LRP2: variants seen among roughly 807,000 people sequenced by gnomAD.
LRP2 encodes low-density lipoprotein receptor-related protein 2.
Under a neutral mutation model 531.0 loss-of-function variants are expected in LRP2, and 172 were observed. That is an observed-to-expected ratio of 0.32 (90% CI 0.29 to 0.37). The LOEUF (loss-of-function observed/expected upper bound fraction) is 0.37. LRP2 is among the 10% of genes least tolerant of loss of function. LRP2 has a pLI of 1.00. For synonymous variants in LRP2, 1,992 were observed against 2,027.6 expected (o/e 0.98, Z 0.47); for missense variants, 5,167 against 5,868.3 (o/e 0.88, Z 3.90).
chr2:169,339,542 AAG>A (rs1685506704), intron 1 of LRP2, among the ~76,000 whole-genome samples: 1 of 152,190 alleles, frequency 6.6e-6, no homozygotes, highest in Admixed American at 6.5e-5. Context: ...ATTATATTTC[AAG>A]GGTGTTTAAG....
chr2:169,257,751 A>G (rs1037875412), intron 17 of LRP2, among the ~76,000 whole-genome samples: 2 of 151,532 alleles, frequency 1.3e-5, no homozygotes, highest in Non-Finnish European at 2.9e-5. Context: ...TGCAAACAGT[A>G]TCTGACCCAA....
chr2:169,157,526 A>G, intron 63 of LRP2, 24 bp from the exon 64 acceptor site: 1 of 1,611,198 alleles, frequency 6.2e-7, no homozygotes. Context: ...TCCCAGCATT[A>G]CAAACCAGAT....
chr2:169,150,378 G>A (rs964992179), intron 68 of LRP2, among the ~76,000 whole-genome samples: 7 of 151,954 alleles, frequency 4.6e-5, no homozygotes, highest in African/African-American at 1.2e-4. Flanking sequence ...AACAAAACTT[G>A]TTCTCATTTA....
intron 76 of LRP2, among the ~76,000 whole-genome samples, chr2:169,136,751 T>C (rs964556035): frequency 1.3e-5 from 2 of 151,914 alleles, no homozygotes; most frequent in Non-Finnish European, 2.9e-5. Context: ...CTGACTCTCT[T>C]TTCGGACTCA....
At chr2:169,251,101 G>T (rs1690164679) in intron 19 of LRP2, among the ~76,000 whole-genome samples, 1 of 13,718 alleles carries the variant, frequency 7.3e-5, no homozygotes, top group African/African-American at 5.7e-4. Context: ...AGTCAACAAG[G>T]ATACCCAGGA....
chr2:169,330,435 C>T (rs964134083), intron 1 of LRP2, among the ~76,000 whole-genome samples: 1 of 152,202 alleles, frequency 6.6e-6, no homozygotes, highest in African/African-American at 2.4e-5. Context: ...TACCCTTCTC[C>T]ATTTCCATTT....
At chr2:169,166,149 C>A in intron 61 of LRP2, 95 bp from the exon 62 acceptor site, 1 of 1,254,926 alleles carries the variant, frequency 8.0e-7, no homozygotes, top group Non-Finnish European at 1.2e-6. Flanking sequence ...AGGCTTGCTT[C>A]ATTCATGCAC....
At chr2:169,272,397 C>T (rs1311325356) in intron 15 of LRP2, among the ~76,000 whole-genome samples, 1 of 152,006 alleles carries the variant, frequency 6.6e-6, no homozygotes, top group Admixed American at 6.6e-5. Flanking sequence ...GTAACTGAGC[C>T]ACCCCAATGC....
intron 76 of LRP2, among the ~76,000 whole-genome samples, chr2:169,134,306 G>A (rs577068615): frequency 7.2e-5 from 11 of 152,066 alleles, no homozygotes; most frequent in African/African-American, 2.2e-4. Flanking sequence ...CCCACCTGAC[G>A]CATATACTGT....
At chr2:169,215,231 C>A (rs1326052615) in intron 35 of LRP2, among the ~76,000 whole-genome samples, 2 of 152,114 alleles carry the variant, frequency 1.3e-5, no homozygotes, top group Non-Finnish European at 2.9e-5. Context: ...GAAAGCCAAA[C>A]CTACTGCACA....
rs578255446 is a variant in LRP2, at chr2:169,139,895, G to A, written c.13200-285C>T. Among the ~76,000 whole-genome samples the A allele has an allele frequency of 8.5e-5, 13 of 152,342 alleles. No homozygotes were observed. In the East Asian group the frequency reaches 2.3e-3, roughly 27 times the overall value. ...CTAATCTATGCAATGCTTCCTTAGA[G>A]AGTACAAATGGAAACCATGGTTATG... On this transcript the variant is annotated intron_variant, in intron 72 of 78. Coordinates refer to ENST00000649046, the MANE Select transcript of LRP2 (RefSeq NM_004525.3).
intron 1 of LRP2, among the ~76,000 whole-genome samples, chr2:169,327,029 C>T (rs1258918717): frequency 6.6e-6 from 1 of 151,600 alleles, no homozygotes; most frequent in Non-Finnish European, 1.5e-5. Context: ...GCAGCCACCC[C>T]GTCTGGGAAG....
At chr2:169,342,618 C>T (rs1685594349) in intron 1 of LRP2, among the ~76,000 whole-genome samples, 2 of 152,320 alleles carry the variant, frequency 1.3e-5, no homozygotes, top group African/African-American at 4.8e-5. Flanking sequence ...AGACTCAGTT[C>T]AAATGGCAAT....
chr2:169,255,990 T>G, intron 19 of LRP2, 116 bp downstream of exon 19: 2 of 1,087,932 alleles, frequency 1.8e-6, no homozygotes, highest in Non-Finnish European at 1.4e-6. Flanking sequence ...TTAAATTTTT[T>G]CATTTTAAAG....
chr2:169,167,037 C>G (rs1041381423), intron 61 of LRP2, among the ~76,000 whole-genome samples: 1 of 152,114 alleles, frequency 6.6e-6, no homozygotes, highest in African/African-American at 2.4e-5. Flanking sequence ...CTGTGAAAGG[C>G]AAGTTCAATA....
chr2:169,272,673 C>T (rs1683449596), intron 15 of LRP2, among the ~76,000 whole-genome samples: 1 of 151,996 alleles, frequency 6.6e-6, no homozygotes, highest in African/African-American at 2.4e-5. Flanking sequence ...GGAAGGGAAC[C>T]CAAGAAAACC....
Position 169,201,608 on chromosome 2 carries a change from A to G in LRP2, c.8452+20T>C, listed in dbSNP as rs779324116. ...AGACTTCAGACCCAAAATCACAATAAGCACTTAAGATAAACTTACGGCAAT... is the reference window on the plus strand; with the variant it reads ...AGACTTCAGACCCAAAATCACAATAGGCACTTAAGATAAACTTACGGCAAT... On this transcript the variant is annotated intron_variant, in intron 44 of 78. Transcript: ENST00000649046. The G allele has an allele frequency of 2.7e-5, 43 of 1,614,018 alleles. No homozygotes were observed. Among genetic ancestry groups the G allele is most frequent in the Non-Finnish European group, 3.5e-5 (41 of 1,180,030 alleles).
chr2:169,231,558 T>A (rs545349175), intron 31 of LRP2, among the ~76,000 whole-genome samples, 156 bp downstream of exon 31: 46 of 152,148 alleles, frequency 3.0e-4, no homozygotes, highest in Non-Finnish European at 6.3e-4. Flanking sequence ...AGGCACACAG[T>A]GACATCACCC....
At chr2:169,294,114 A>C (rs758098504) in intron 6 of LRP2, 34 bp downstream of exon 6, 2 of 1,456,678 alleles carry the variant, frequency 1.4e-6, no homozygotes, top group South Asian at 2.3e-5. Context: ...AAACACTCCC[A>C]ACAACATGAC....
Sources: gnomAD v4.1 joint callset for allele counts (sites outside exome capture counted in the v4.1 genomes callset) on GRCh38, gnomAD v4.1.1 for gene constraint, MANE v1.5 for transcripts, NCBI Gene and HGNC (gene_info 2026-07-23, HGNC 2026-07-21) for gene names.